The following FLT1 variants were observed in gnomAD, a reference collection of about 807,000 sequenced individuals.
FLT1 encodes the protein vascular endothelial growth factor receptor 1.
FLT1 carries 49 observed loss-of-function variants against 156.3 expected under a neutral mutation model. The observed-to-expected ratio is 0.31, with a 90% CI of 0.25 to 0.40. FLT1 has a LOEUF of 0.40. FLT1 is among the 10% of genes least tolerant of loss of function. FLT1 has a pLI of 1.00. For missense variants in FLT1, 1,322 were observed against 1,637.2 expected (o/e 0.81, Z 3.32); for synonymous variants, 594 against 583.8 (o/e 1.02, Z -0.25).
chr13:28,328,670 C>T (rs1450636846), intron 19 of FLT1, among the ~76,000 whole-genome samples: 1 of 152,208 alleles, frequency 6.6e-6, no homozygotes, highest in Non-Finnish European at 1.5e-5. Context: ...CCCTCTACGG[C>T]GGCAGATGCC....
At chr13:28,336,603 T>C (rs17625330) in intron 17 of FLT1, among the ~76,000 whole-genome samples, 5,523 of 152,316 alleles carry the variant, frequency 0.036, 298 homozygotes, top group Admixed American at 0.15. Context: ...CATTCAGGGC[T>C]GGTCTTACAA....
At chr13:28,338,827 G>T (rs9513081) in intron 17 of FLT1, among the ~76,000 whole-genome samples, 10 of 152,102 alleles carry the variant, frequency 6.6e-5, no homozygotes, top group Non-Finnish European at 1.2e-4. Flanking sequence ...TCTCTCCGCC[G>T]CCCTTCACTT....
chr13:28,303,161 C>CA lies in FLT1; in HGVS notation c.*5dup, dbSNP rs1255381048. On this transcript the variant is annotated 3_prime_UTR_variant, in exon 30 of 30. Coordinates refer to ENST00000282397, the MANE Select transcript of FLT1 (RefSeq NM_002019.4). ...TGCTTCTAGAAATAAGGCTTCGTGT[C>CA]AAACTCTAGATGGGTGGGGTGGAGT... is the stretch of plus-strand genomic sequence containing the variant. The CA allele has an allele frequency of 1.2e-6, 2 of 1,608,056 alleles. No homozygotes were observed. The highest frequency in any genetic ancestry group is 1.7e-6 in the Non-Finnish European group (2 of 1,179,638).
At chr13:28,432,031 C>G (rs1050796016) in intron 6 of FLT1, among the ~76,000 whole-genome samples, 5 of 152,126 alleles carry the variant, frequency 3.3e-5, no homozygotes, top group African/African-American at 1.2e-4. Context: ...CAAGAATTAG[C>G]CTTAGGCTCT....
intron 1 of FLT1, among the ~76,000 whole-genome samples, chr13:28,486,984 T>TA (rs1033624163): frequency 3.9e-5 from 6 of 152,172 alleles, no homozygotes; most frequent in African/African-American, 1.4e-4. Flanking sequence ...TTCTTGGCCC[T>TA]ATCCCAGGCC....
intron 10 of FLT1, among the ~76,000 whole-genome samples, chr13:28,418,730 A>AT (rs1050569798): frequency 1.4e-4 from 21 of 151,710 alleles, no homozygotes; most frequent in Admixed American, 9.2e-4. Context: ...TGCCCAGCTA[A>AT]TTTTTTTTAT....
At chr13:28,449,119 A>G (rs909367221) in intron 3 of FLT1, among the ~76,000 whole-genome samples, 1 of 152,162 alleles carries the variant, frequency 6.6e-6, no homozygotes, top group Non-Finnish European at 1.5e-5. Context: ...CATGTCTACA[A>G]AAAAATTTTA....
At chr13:28,432,640 T>G (rs533063408) in intron 6 of FLT1, among the ~76,000 whole-genome samples, 2 of 152,376 alleles carry the variant, frequency 1.3e-5, no homozygotes, top group East Asian at 3.9e-4. Flanking sequence ...CAAGTGCTCA[T>G]CTGCCATATG....
intron 13 of FLT1, chr13:28,387,590 C>A: frequency 9.4e-7 from 1 of 1,064,666 alleles, no homozygotes; most frequent in Non-Finnish European, 1.1e-6. Context: ...AGAGATCTGC[C>A]AGGTCACATA....
intron 14 of FLT1, 127 bp from the exon 15 acceptor site, chr13:28,357,812 G>A: frequency 1.2e-6 from 1 of 819,246 alleles, no homozygotes; most frequent in Non-Finnish European, 2.1e-6. Context: ...AGTGAACCTG[G>A]GGCAGGGTTG....
chr13:28,395,933 C>T (rs886929776), intron 12 of FLT1, among the ~76,000 whole-genome samples: 3 of 152,186 alleles, frequency 2.0e-5, no homozygotes, highest in Non-Finnish European at 2.9e-5. Flanking sequence ...AGACATACTA[C>T]GACTATGGGT....
intron 14 of FLT1, among the ~76,000 whole-genome samples, chr13:28,366,013 AAAGCAG>A (rs1361729897): frequency 2.0e-5 from 3 of 152,196 alleles, no homozygotes; most frequent in African/African-American, 7.2e-5. Flanking sequence ...CTCCCACCTA[AAAGCAG>A]AAGCCTTTGC....
intron 19 of FLT1, 87 bp downstream of exon 19, chr13:28,329,528 T>A: frequency 1.1e-6 from 1 of 943,190 alleles, no homozygotes; most frequent in South Asian, 1.4e-5. Context: ...GGAAGCACAG[T>A]GCGGGGGAGA....
intron 12 of FLT1, among the ~76,000 whole-genome samples, chr13:28,395,004 C>T (rs1164712272): frequency 6.6e-6 from 1 of 152,128 alleles, no homozygotes; most frequent in East Asian, 1.9e-4. Context: ...ACACATGGTG[C>T]ATGGCCCCTT....
chr13:28,412,671 T>G (rs906819166), intron 10 of FLT1, among the ~76,000 whole-genome samples: 1 of 151,528 alleles, frequency 6.6e-6, no homozygotes, highest in Non-Finnish European at 1.5e-5. Flanking sequence ...TCCACCCGCC[T>G]TGGCCTCCCA....
At chr13:28,304,649 C>T (rs1039096395) in intron 29 of FLT1, among the ~76,000 whole-genome samples, 1 of 152,134 alleles carries the variant, frequency 6.6e-6, no homozygotes, top group Non-Finnish European at 1.5e-5. Context: ...AGAGCGTTGT[C>T]ATCATCCCCC....
At chr13:28,372,048 G>GTGTGTGTATA (rs1288888215) in intron 14 of FLT1, among the ~76,000 whole-genome samples, 4 of 75,586 alleles carry the variant, frequency 5.3e-5, no homozygotes, top group African/African-American at 1.3e-4. Flanking sequence ...GTGTGTGTGT[G>GTGTGTGTATA]TATATATATA....
chr13:28,462,678 C>G (rs945350856), intron 3 of FLT1, among the ~76,000 whole-genome samples: 5 of 152,218 alleles, frequency 3.3e-5, no homozygotes, highest in Non-Finnish European at 7.3e-5. Context: ...AAACCTCCAC[C>G]TGGCTGTGGG....
At position 28,300,772 on chromosome 13, in the gene FLT1, T is replaced by C. The variant is rs1339107463; in HGVS notation, c.*2395A>G. Reference sequence around the variant, plus strand: ...CACCCAGACTGTTCCACGTACATTATCTCAGAAACTCTGAAAGGAAGTGCT... The same window carrying C: ...CACCCAGACTGTTCCACGTACATTACCTCAGAAACTCTGAAAGGAAGTGCT... On this transcript the variant is annotated 3_prime_UTR_variant, in exon 30 of 30. Coordinates refer to ENST00000282397, the MANE Select transcript of FLT1 (RefSeq NM_002019.4). 4.3e-6 allele frequency: 1 copy of C among 233,202 alleles called. No individual in the cohort carries two copies. The highest frequency in any genetic ancestry group is 5.6e-5 in the Admixed American group (1 of 17,790). The allele number at this position is 233,202 out of a possible 1,614,324, so 14.4% of individuals were successfully genotyped here.
Sources: gnomAD v4.1 joint callset for allele counts (sites outside exome capture counted in the v4.1 genomes callset) on GRCh38, gnomAD v4.1.1 for gene constraint, MANE v1.5 for transcripts, NCBI Gene and HGNC (gene_info 2026-07-23, HGNC 2026-07-21) for gene names.